LYPD1: variants seen among roughly 807,000 people sequenced by gnomAD.
The protein encoded by LYPD1 is ly6/PLAUR domain-containing protein 1.
A neutral mutation model predicts 14.2 loss-of-function variants in LYPD1; 14 were observed. The observed-to-expected ratio is 0.99, with a 90% CI of 0.65 to 1.54. The LOEUF is 1.54. Among genes scored for constraint, LYPD1 ranks in the 40% most tolerant of loss-of-function variants. The pLI, the probability that LYPD1 is intolerant of heterozygous loss-of-function variation, is 0.00. For missense variants in LYPD1, 165 were observed against 175.7 expected (o/e 0.94, Z 0.34); for synonymous variants, 85 against 70.6 (o/e 1.20, Z -1.02).
In LYPD1 at chr2:132,665,088, A is replaced by G. The variant is rs184725980; in HGVS notation, c.190+3312T>C. Reference sequence around the variant, plus strand: ...ATTATTCCAGAAATGACCAAAGGGAACAAGAGTGGTGGATAATAATCTCAG... The same window carrying G: ...ATTATTCCAGAAATGACCAAAGGGAGCAAGAGTGGTGGATAATAATCTCAG... On this transcript the variant is annotated intron_variant, in intron 2 of 2. Transcript: ENST00000397463. Among the ~76,000 whole-genome samples, 20 of 152,340 alleles carry G rather than the reference A, an allele frequency of 1.3e-4. 1 individual carries two copies. The highest frequency in any genetic ancestry group is 4.3e-4 in the African/African-American group (18 of 41,590).
At chr2:132,668,224 GAGATT>G (rs1683395574) in intron 2 of LYPD1, among the ~76,000 whole-genome samples, 171 bp downstream of exon 2, 1 of 150,542 alleles carries the variant, frequency 6.6e-6, no homozygotes. Context: ...TAACTCTAAT[GAGATT>G]AAAGTAACTT....
At chr2:132,651,211 GTAAA>G (rs1239936704) in intron 2 of LYPD1, among the ~76,000 whole-genome samples, 1 of 152,106 alleles carries the variant, frequency 6.6e-6, no homozygotes, top group Non-Finnish European at 1.5e-5. Flanking sequence ...TTAAAATGAC[GTAAA>G]TAAACACCCG....
chr2:132,660,916 C>G (rs1179041591), intron 2 of LYPD1, among the ~76,000 whole-genome samples: 3 of 149,556 alleles, frequency 2.0e-5, no homozygotes, highest in Non-Finnish European at 4.4e-5. Flanking sequence ...ATCTCTTTAA[C>G]CAAAACCTTT....
chr2:132,658,953 GGT>G (rs3043652), intron 2 of LYPD1, among the ~76,000 whole-genome samples: 18 of 150,908 alleles, frequency 1.2e-4, no homozygotes, highest in Middle Eastern at 3.4e-3. Context: ...GTGTTGTAGA[GGT>G]GTGTGTGTGT....
Position 132,670,103 on chromosome 2 carries a change from T to A in LYPD1, c.-171A>T. The A allele has an allele frequency of 6.9e-7, 1 of 1,441,020 alleles. No individual in the cohort carries two copies. The highest frequency in any genetic ancestry group is 9.0e-7 in the Non-Finnish European group (1 of 1,106,374). The allele number at this position is 1,441,020 out of a possible 1,614,324, so 89.3% of individuals were successfully genotyped here. ...AGCCGCAGGTGCCGCTCGCGGAGCC[T>A]GCATCGCCCGCGCTCGGGCTCCCGG... On this transcript the variant is annotated 5_prime_UTR_variant, in exon 1 of 3. Coordinates refer to ENST00000397463, the MANE Select transcript of LYPD1 (RefSeq NM_144586.7). The surrounding 1 kb of genome is among the most constrained non-coding windows in gnomAD (Gnocchi z 4.5).
rs1682051776 is a variant in LYPD1 at position 132,646,005 on chromosome 2, TGG to T, written c.*38_*39del. 1 of 1,449,440 alleles carries T rather than the reference TGG, an allele frequency of 6.9e-7. No homozygotes were observed. The highest frequency in any genetic ancestry group is 2.3e-5 in the Admixed American group (1 of 42,666). 89.8% of individuals were successfully genotyped at this position (1,449,440 alleles called of 1,614,324 possible). A position where few individuals can be genotyped will look rare whatever the true frequency, so the allele number is the denominator to read the frequency against. On this transcript the variant is annotated 3_prime_UTR_variant, in exon 3 of 3. Transcript: ENST00000397463. ...GAGGTGGGGGGTTGGGGGCGAGGGC[TGG>T]AAGAACAATGCAGGAGGGGGTGGCA...
intron 2 of LYPD1, among the ~76,000 whole-genome samples, chr2:132,650,296 A>G (rs1201954504): frequency 6.6e-6 from 1 of 152,220 alleles, no homozygotes; most frequent in African/African-American, 2.4e-5. Context: ...GCAGAGATTT[A>G]AATGTTTATT....
rs1043922879 is a variant in LYPD1 at position 132,669,644 on chromosome 2, G to T, written c.52+237C>A. ...CCCAGCTTCTCCCGACGGTGCAGCC[G>T]GACAAGCTGCAGCCCGGAGTCCCGC... On this transcript the variant is annotated intron_variant, in intron 1 of 2. Coordinates refer to ENST00000397463, the MANE Select transcript of LYPD1 (RefSeq NM_144586.7). The surrounding 1 kb of genome is among the most constrained non-coding windows in gnomAD (Gnocchi z 4.3). Among the ~76,000 whole-genome samples the T allele has an allele frequency of 6.6e-6, 1 of 152,054 alleles. No homozygotes were observed. The highest frequency in any genetic ancestry group is 1.9e-4 in the East Asian group (1 of 5,132).
chr2:132,654,604 G>A (rs532609436), intron 2 of LYPD1, among the ~76,000 whole-genome samples: 32 of 152,212 alleles, frequency 2.1e-4, no homozygotes, highest in African/African-American at 7.7e-4. Context: ...CAAAGGGCTT[G>A]GAGGCTCCTG....
chr2:132,645,497 A>G lies in LYPD1; in HGVS notation c.*548T>C. ...TTAAGCACTTTTCAGAGCGAGGCCGAGCCCCAGTCTAAGTCCCAGTCATTG... is the reference window on the plus strand; with the variant it reads ...TTAAGCACTTTTCAGAGCGAGGCCGGGCCCCAGTCTAAGTCCCAGTCATTG... On this transcript the variant is annotated 3_prime_UTR_variant, in exon 3 of 3. Transcript: ENST00000397463. The G allele has an allele frequency of 6.2e-7, 1 of 1,613,704 alleles. No individual in the cohort carries two copies. The highest frequency in any genetic ancestry group is 8.5e-7 in the Non-Finnish European group (1 of 1,180,006).
intron 2 of LYPD1, among the ~76,000 whole-genome samples, chr2:132,656,588 T>C (rs370180103): frequency 2.6e-5 from 4 of 152,196 alleles, no homozygotes; most frequent in African/African-American, 4.8e-5. Context: ...CTAATGAAAA[T>C]GACTTGGAAA....
chr2:132,648,884 C>A (rs183363227), intron 2 of LYPD1, among the ~76,000 whole-genome samples: 210 of 152,106 alleles, frequency 1.4e-3, no homozygotes, highest in African/African-American at 4.7e-3. Flanking sequence ...CCAGGCTGGC[C>A]GCTCCAGGCC....
chr2:132,663,356 C>A (rs577269925), intron 2 of LYPD1, among the ~76,000 whole-genome samples: 1 of 152,218 alleles, frequency 6.6e-6, no homozygotes, highest in Non-Finnish European at 1.5e-5. Context: ...TCATTACAAC[C>A]TCCACCTCCC....
intron 2 of LYPD1, among the ~76,000 whole-genome samples, chr2:132,656,640 G>A (rs1682611599): frequency 6.6e-6 from 1 of 152,150 alleles, no homozygotes; most frequent in African/African-American, 2.4e-5. Context: ...CCGCCACGAT[G>A]GGCACCGTTT....
chr2:132,645,389 C>T lies in LYPD1; in HGVS notation c.*656G>A, dbSNP rs200761979. ...CTGCGCGTACATGCGCACTCCACCA[C>T]CGACAGCGCCCGCTTTGTGCAGCGC... is the stretch of plus-strand genomic sequence containing the variant. On this transcript the variant is annotated 3_prime_UTR_variant, in exon 3 of 3. Transcript: ENST00000397463. 4.7e-5 allele frequency: 76 copies of T among 1,613,632 alleles called. No homozygotes were observed. Among genetic ancestry groups the T allele is most frequent in the Non-Finnish European group, 5.5e-5 (65 of 1,180,028 alleles).
Position 132,669,288 on chromosome 2 carries a change from T to A in LYPD1, c.52+593A>T, listed in dbSNP as rs1683486967. Among the ~76,000 whole-genome samples, 1 of 152,078 alleles carries A rather than the reference T, an allele frequency of 6.6e-6. No homozygotes were observed. The highest frequency in any genetic ancestry group is 2.4e-5 in the African/African-American group (1 of 41,426). ...TAGGGTCAGTGGTCGGGGTTCCAGCTCTGCAGAGCTTAGTCGGGAGCCAGT... is the reference window on the plus strand; with the variant it reads ...TAGGGTCAGTGGTCGGGGTTCCAGCACTGCAGAGCTTAGTCGGGAGCCAGT... On this transcript the variant is annotated intron_variant, in intron 1 of 2. Coordinates refer to ENST00000397463, the MANE Select transcript of LYPD1 (RefSeq NM_144586.7). The surrounding 1 kb of genome is among the most constrained non-coding windows in gnomAD (Gnocchi z 4.3).
chr2:132,664,253 G>T (rs1352843946), intron 2 of LYPD1, among the ~76,000 whole-genome samples: 1 of 152,100 alleles, frequency 6.6e-6, no homozygotes, highest in Non-Finnish European at 1.5e-5. Context: ...AGCAGACATA[G>T]ACTTAAGAAA....
In LYPD1 at chr2:132,667,398, C is replaced by T. The variant is rs571927013; in HGVS notation, c.190+1002G>A. ...TTCCAGGCCCTTCTCTGAGAAGAAA[C>T]GACTTTCCCAAGGTGTTGGCTTTGA... On this transcript the variant is annotated intron_variant, in intron 2 of 2. Transcript: ENST00000397463. Among the ~76,000 whole-genome samples, 14 of 152,266 alleles carry T rather than the reference C, an allele frequency of 9.2e-5. No individual in the cohort carries two copies. The South Asian group carries it at 2.5e-3, about 27-fold the overall frequency.
rs1681932108 is a variant in LYPD1, at chr2:132,644,103, C to T, written c.*1942G>A. 6.6e-6 allele frequency among the ~76,000 whole-genome samples: 1 copy of T among 152,110 alleles called. No individual in the cohort carries two copies. Among genetic ancestry groups the T allele is most frequent in the Admixed American group, 6.5e-5 (1 of 15,284 alleles). ...CCTGATCTTCCTTTGTTCTTTTTTG[C>T]TTTTGTCACTGTAACTAAACTCTCA... On this transcript the variant is annotated 3_prime_UTR_variant, in exon 3 of 3. Transcript: ENST00000397463.
Sources: gnomAD v4.1 joint callset for allele counts (sites outside exome capture counted in the v4.1 genomes callset) on GRCh38, gnomAD v4.1.1 for gene constraint, Gnocchi (gnomAD v3.1) non-coding constraint, MANE v1.5 for transcripts, NCBI Gene and HGNC (gene_info 2026-07-23, HGNC 2026-07-21) for gene names.